Variants in STS observed in about 807,000 individuals in gnomAD.
STS encodes steryl-sulfatase.
Under a neutral mutation model 26.8 loss-of-function variants are expected in STS, and 7 were observed. The ratio of observed to expected loss-of-function variants is 0.26; its 90% CI spans 0.15 to 0.49. The LOEUF is 0.49. Among genes scored for constraint, STS ranks in the 20% least tolerant of loss-of-function variants. STS has a pLI of 0.98. For missense variants in STS, 434 were observed against 465.6 expected, an observed-to-expected ratio of 0.93 and a Z score of 0.63; for synonymous variants, 199 against 189.4, an observed-to-expected ratio of 1.05 and a Z score of -0.42.
intron 7 of STS, among the ~76,000 whole-genome samples, chrX:7,277,367 A>C (rs1172184878): frequency 1.8e-5 from 2 of 112,131 alleles, no homozygotes; most frequent in Non-Finnish European, 3.8e-5. Flanking sequence ...AATCCATGAA[A>C]GTTGCTTCCT....
At chrX:7,180,978 T>G (rs1335648708) in intron 1 of STS, among the ~76,000 whole-genome samples, 1 of 112,155 alleles carries the variant, frequency 8.9e-6, no homozygotes, top group Admixed American at 9.5e-5. Context: ...ATGCAGTAAC[T>G]CAATCCTGCT....
At chrX:7,184,012 TA>T (rs10707577) in intron 1 of STS, among the ~76,000 whole-genome samples, 36,805 of 103,635 alleles carry the variant, frequency 0.36, 4,959 homozygotes, top group Middle Eastern at 0.5. Flanking sequence ...CAAATAAAAA[TA>T]AAAAAAAAAA....
intron 8 of STS, among the ~76,000 whole-genome samples, chrX:7,323,696 CT>C (rs1308159718): frequency 6.3e-5 from 7 of 111,714 alleles, no homozygotes; most frequent in African/African-American, 2.3e-4. Flanking sequence ...GTAAAGGTAT[CT>C]TTTTGGTAGA....
At chrX:7,167,935 C>A (rs1298795967) in intron 1 of STS, among the ~76,000 whole-genome samples, 1 of 110,477 alleles carries the variant, frequency 9.1e-6, no homozygotes, top group Non-Finnish European at 1.9e-5. Flanking sequence ...CTGAAGTGAT[C>A]CTCTCATCTC....
intron 8 of STS, among the ~76,000 whole-genome samples, chrX:7,310,093 A>G (rs1219719417): frequency 8.9e-6 from 1 of 112,336 alleles, no homozygotes; most frequent in Non-Finnish European, 1.9e-5. Context: ...TTTAATAATT[A>G]AGAAATCATT....
chrX:7,279,393 G>GTA (rs1181540645), intron 7 of STS, among the ~76,000 whole-genome samples: 1 of 68,001 alleles, frequency 1.5e-5, no homozygotes, highest in Non-Finnish European at 2.7e-5. Context: ...ATATGTGTGT[G>GTA]TATATATATG....
chrX:7,261,997 T>G (rs1449456962), intron 6 of STS, among the ~76,000 whole-genome samples: 1 of 112,259 alleles, frequency 8.9e-6, no homozygotes, highest in Non-Finnish European at 1.9e-5. Flanking sequence ...TATAAACTGG[T>G]CATTGGTCAT....
chrX:7,228,624 A>G (rs1302948981), intron 2 of STS, among the ~76,000 whole-genome samples: 1 of 111,670 alleles, frequency 9.0e-6, no homozygotes, highest in Non-Finnish European at 1.9e-5. Context: ...TATTTGGGAT[A>G]TATGGTTATC....
chrX:7,262,267 C>T (rs1471297113), intron 6 of STS, among the ~76,000 whole-genome samples: 2 of 111,998 alleles, frequency 1.8e-5, no homozygotes, highest in African/African-American at 6.5e-5. Context: ...CATGAGGAGA[C>T]TCAGGGATCC....
chrX:7,173,823 G>A (rs1489090080), intron 1 of STS, among the ~76,000 whole-genome samples: 2 of 111,953 alleles, frequency 1.8e-5, no homozygotes, highest in African/African-American at 3.3e-5. Flanking sequence ...ACTTTATCCT[G>A]CAGATCAAAT....
At chrX:7,148,248 G>T in intron 1 of STS, 165 bp downstream of exon 1, 1 of 332,627 alleles carries the variant, frequency 3.0e-6, no homozygotes, top group East Asian at 5.5e-5. Flanking sequence ...CCCCTCGCCC[G>T]GCTCCGAGCC....
chrX:7,291,796 T>TA (rs1398737162), intron 7 of STS, among the ~76,000 whole-genome samples: 1 of 112,128 alleles, frequency 8.9e-6, no homozygotes, highest in Non-Finnish European at 1.9e-5. Context: ...ATTTTTTTTT[T>TA]ATTCTAAGGT....
chrX:7,174,006 T>G (rs774458892), intron 1 of STS, among the ~76,000 whole-genome samples: 1 of 111,539 alleles, frequency 9.0e-6, no homozygotes, highest in East Asian at 2.8e-4. Context: ...ATTGTTCAGA[T>G]AAAAATATAG....
At chrX:7,247,448 C>T (rs1922939025) in intron 2 of STS, among the ~76,000 whole-genome samples, 1 of 111,873 alleles carries the variant, frequency 8.9e-6, no homozygotes, top group African/African-American at 3.2e-5. Flanking sequence ...TAAAAAATAT[C>T]ATGCTTCTCA....
At chrX:7,153,605 T>C (rs1341591142) in intron 1 of STS, among the ~76,000 whole-genome samples, 4 of 96,100 alleles carry the variant, frequency 4.2e-5, no homozygotes, top group African/African-American at 1.6e-4. Context: ...CTTCCTTCTC[T>C]TCCTTTCCTC....
chrX:7,185,561 TA>T (rs1413218547), intron 1 of STS, among the ~76,000 whole-genome samples: 1 of 112,195 alleles, frequency 8.9e-6, no homozygotes, highest in East Asian at 2.8e-4. Flanking sequence ...ATGGCAAACA[TA>T]AAGTTAAAAT....
chrX:7,346,929 C>T (rs1169680402), intron 10 of STS, among the ~76,000 whole-genome samples: 1 of 110,081 alleles, frequency 9.1e-6, no homozygotes, highest in Non-Finnish European at 1.9e-5. Flanking sequence ...TATAGCTGGG[C>T]CTGGTGGCAT....
chrX:7,298,984 A>G (rs1411364546), intron 7 of STS, among the ~76,000 whole-genome samples: 4 of 95,537 alleles, frequency 4.2e-5, no homozygotes, highest in Non-Finnish European at 8.1e-5. Context: ...TTATATATTA[A>G]TATTATATAA....
intron 1 of STS, among the ~76,000 whole-genome samples, chrX:7,164,776 G>A: frequency 9.1e-6 from 1 of 110,174 alleles, no homozygotes; most frequent in East Asian, 2.9e-4. Context: ...AGGAGGCTGA[G>A]GTGGGTGGAT....
Sources: gnomAD v4.1 joint callset for allele counts (sites outside exome capture counted in the v4.1 genomes callset) on GRCh38, gnomAD v4.1.1 for gene constraint, MANE v1.5 for transcripts, NCBI Gene and HGNC (gene_info 2026-07-23, HGNC 2026-07-21) for gene names.